The following BRMS1L variants were observed in gnomAD, a reference collection of about 807,000 sequenced individuals.
BRMS1L encodes breast cancer metastasis-suppressor 1-like protein.
A neutral mutation model predicts 50.3 loss-of-function variants in BRMS1L; 23 were observed. The ratio of observed to expected loss-of-function variants is 0.46; its 90% CI spans 0.33 to 0.65. BRMS1L has a LOEUF of 0.65. Ranked by LOEUF, BRMS1L falls within the 30% of genes least tolerant of loss-of-function variation. The pLI, the probability that BRMS1L is intolerant of heterozygous loss-of-function variation, is 0.02. For missense variants in BRMS1L, 286 were observed against 386.1 expected (o/e 0.74, Z 2.17); for synonymous variants, 114 against 126.9 (o/e 0.90, Z 0.69).
chr14:35,867,841 T>C, intron 8 of BRMS1L, 65 bp from the exon 9 acceptor site: 3 of 1,473,854 alleles, frequency 2.0e-6, no homozygotes, highest in Non-Finnish European at 2.7e-6. Context: ...ATTGTTAATG[T>C]TCTGACCCTT....
In BRMS1L at chr14:35,867,362, G is replaced by A. The variant is rs117723433; in HGVS notation, c.728-544G>A. ...TTGAATGACTTCATGGTATGCTTTT[G>A]ACACTGTGTTTCCATAAAAAAGATT... On this transcript the variant is annotated intron_variant, in intron 8 of 9. Coordinates refer to ENST00000216807, the MANE Select transcript of BRMS1L (RefSeq NM_032352.4). Among the ~76,000 whole-genome samples the A allele has an allele frequency of 3.5e-3, 539 of 152,248 alleles. 1 individual carries two copies. Among genetic ancestry groups the A allele is most frequent in the Non-Finnish European group, 5.9e-3 (400 of 68,008 alleles).
At position 35,866,043 on chromosome 14, in the gene BRMS1L, A is replaced by C. The variant is rs532156077; in HGVS notation, c.727+282A>C. 3.0e-5 allele frequency: 10 copies of C among 335,400 alleles called. No homozygotes were observed. The South Asian group carries it at 6.3e-4, about 21-fold the overall frequency. The allele number at this position is 335,400 out of a possible 1,614,324, so 20.8% of individuals were successfully genotyped here. On this transcript the variant is annotated intron_variant, in intron 8 of 9. Transcript: ENST00000216807. ...TGCAGTGTTTTTTATGGGCTCTGTC[A>C]TTCTATAGGGGAGGTATTTGGAATT...
chr14:35,852,990 G>GTATCTATCTATCTATCAATCTATC (rs572748526), intron 4 of BRMS1L, among the ~76,000 whole-genome samples: 20 of 148,734 alleles, frequency 1.3e-4, no homozygotes, highest in African/African-American at 4.8e-4. Context: ...CTTTATATCT[G>GTATCTATCTATCTATCAATCTATC]TATCTATCTA....
rs2077934723 is a variant in BRMS1L at position 35,832,487 on chromosome 14, CG to C, written c.234-489del. ...CGCCACTGCACTCCAGCCTGGGTGA[CG>C]GAGCGAGACTCCGTCTCAAAAAAAA... is the stretch of plus-strand genomic sequence containing the variant. On this transcript the variant is annotated intron_variant, in intron 2 of 9. Coordinates refer to ENST00000216807, the MANE Select transcript of BRMS1L (RefSeq NM_032352.4). Among the ~76,000 whole-genome samples, 6 of 145,776 alleles carry C rather than the reference CG, an allele frequency of 4.1e-5. No individual in the cohort carries two copies. In the Admixed American group the frequency reaches 4.1e-4, roughly 10 times the overall value.
At position 35,846,105 on chromosome 14, in the gene BRMS1L, C is replaced by T. The variant is rs918091446; in HGVS notation, c.441+11182C>T. 4.6e-5 allele frequency among the ~76,000 whole-genome samples: 7 copies of T among 152,122 alleles called. No individual in the cohort carries two copies. The East Asian group carries it at 5.8e-4, about 13-fold the overall frequency. On this transcript the variant is annotated intron_variant, in intron 4 of 9. Coordinates refer to ENST00000216807, the MANE Select transcript of BRMS1L (RefSeq NM_032352.4). ...GTATAGTCATCAAAGTCAGGAAATGCGTTGGGTGCAGTGGCTCATGCCTGT... is the reference window on the plus strand; with the variant it reads ...GTATAGTCATCAAAGTCAGGAAATGTGTTGGGTGCAGTGGCTCATGCCTGT...
At chr14:35,837,340 C>G (rs558109105) in intron 4 of BRMS1L, among the ~76,000 whole-genome samples, 2 of 151,978 alleles carry the variant, frequency 1.3e-5, no homozygotes, top group Admixed American at 6.6e-5. Flanking sequence ...TTACATACAC[C>G]CTTGTTTCCC....
chr14:35,838,845 CT>C (rs2078026075), intron 4 of BRMS1L, among the ~76,000 whole-genome samples: 1 of 152,074 alleles, frequency 6.6e-6, no homozygotes, highest in African/African-American at 2.4e-5. Context: ...ATGATAGTTT[CT>C]TTTGCTCTGC....
chr14:35,853,750 C>T (rs1053202866), intron 4 of BRMS1L, among the ~76,000 whole-genome samples: 8 of 152,086 alleles, frequency 5.3e-5, no homozygotes, highest in East Asian at 1.9e-4. Flanking sequence ...TTAATGCTAA[C>T]GTATTTTGAG....
At chr14:35,829,115 T>C (rs2077885725) in intron 1 of BRMS1L, among the ~76,000 whole-genome samples, 1 of 151,762 alleles carries the variant, frequency 6.6e-6, no homozygotes, top group Non-Finnish European at 1.5e-5. Context: ...CTAATTTTTG[T>C]GTTTTTAGTA....
At chr14:35,864,086 A>G in intron 6 of BRMS1L, 133 bp downstream of exon 6, 1 of 727,338 alleles carries the variant, frequency 1.4e-6, no homozygotes. Flanking sequence ...TGATTTATTT[A>G]TAAAACCGAT....
At chr14:35,868,817 G>A (rs1484148965) in intron 9 of BRMS1L, among the ~76,000 whole-genome samples, 2 of 152,108 alleles carry the variant, frequency 1.3e-5, no homozygotes, top group African/African-American at 4.8e-5. Context: ...ACAACACAGT[G>A]TAACTTGAAA....
chr14:35,859,069 G>A (rs1355457778), intron 4 of BRMS1L, among the ~76,000 whole-genome samples: 1 of 151,710 alleles, frequency 6.6e-6, no homozygotes, highest in Non-Finnish European at 1.5e-5. Flanking sequence ...AGCCTGCCGA[G>A]TAGCTGGGAT....
chr14:35,850,231 G>T (rs1198419247), intron 4 of BRMS1L, among the ~76,000 whole-genome samples: 27 of 142,102 alleles, frequency 1.9e-4, no homozygotes, highest in Non-Finnish European at 3.5e-4. Flanking sequence ...TTTTGAGATG[G>T]AGTTTCGCTC....
chr14:35,838,270 T>C (rs1595663018), intron 4 of BRMS1L, among the ~76,000 whole-genome samples: 1 of 152,202 alleles, frequency 6.6e-6, no homozygotes, highest in African/African-American at 2.4e-5. Context: ...ATCCAGTCTT[T>C]CATTGATAGA....
intron 4 of BRMS1L, among the ~76,000 whole-genome samples, chr14:35,845,420 C>G (rs1346242419): frequency 2.6e-5 from 4 of 152,036 alleles, no homozygotes; most frequent in African/African-American, 9.7e-5. Flanking sequence ...AGAATTTTTA[C>G]CAATAGTTAA....
intron 8 of BRMS1L, 182 bp from the exon 9 acceptor site, chr14:35,867,724 A>G: frequency 2.4e-6 from 1 of 412,972 alleles, no homozygotes; most frequent in Non-Finnish European, 4.0e-6. Context: ...TTAAAAACTT[A>G]GTGATTATGT....
chr14:35,827,010 C>T (rs2077855384), intron 1 of BRMS1L, among the ~76,000 whole-genome samples: 1 of 152,222 alleles, frequency 6.6e-6, no homozygotes, highest in Non-Finnish European at 1.5e-5. Flanking sequence ...TCCCTATTTT[C>T]ACCTTTGCAA....
intron 4 of BRMS1L, among the ~76,000 whole-genome samples, chr14:35,852,214 TA>T (rs1259243381): frequency 7.2e-5 from 11 of 152,220 alleles, no homozygotes; most frequent in African/African-American, 2.7e-4. Context: ...CCACTGGTAT[TA>T]TTTTTTGATG....
intron 4 of BRMS1L, among the ~76,000 whole-genome samples, chr14:35,860,326 C>T (rs146688202): frequency 3.6e-4 from 54 of 151,814 alleles, no homozygotes; most frequent in African/African-American, 9.4e-4. Context: ...GAGTAGACAA[C>T]GAGGTTTCAC....
Sources: allele counts gnomAD v4.1 joint callset (sites outside exome capture counted in the v4.1 genomes callset), GRCh38; gene constraint gnomAD v4.1.1; transcripts MANE v1.5; gene names NCBI Gene and HGNC (gene_info 2026-07-23, HGNC 2026-07-21).